NKAIN3: variants seen among roughly 807,000 people sequenced by gnomAD.
NKAIN3 encodes the protein sodium/potassium-transporting ATPase subunit beta-1-interacting protein 3.
Under a neutral mutation model 30.2 loss-of-function variants are expected in NKAIN3, and 25 were observed. That is an observed-to-expected ratio of 0.83 (90% CI 0.60 to 1.16). The LOEUF is 1.16. NKAIN3 is among the 50% of genes most tolerant of loss of function. The pLI, the probability that NKAIN3 is intolerant of heterozygous loss-of-function variation, is 0.00. For missense variants in NKAIN3, 225 were observed against 254.1 expected, an observed-to-expected ratio of 0.89 and a Z score of 0.78; for synonymous variants, 91 against 89.6, an observed-to-expected ratio of 1.02 and a Z score of -0.09.
chr8:62,281,928 T>A (rs921578260), intron 1 of NKAIN3, among the ~76,000 whole-genome samples: 2 of 152,028 alleles, frequency 1.3e-5, no homozygotes, highest in African/African-American at 4.8e-5. Context: ...TAAAAAAGCA[T>A]GCTTGTTCCT....
At chr8:62,839,846 C>T (rs912998620) in intron 4 of NKAIN3, among the ~76,000 whole-genome samples, 1 of 152,070 alleles carries the variant, frequency 6.6e-6, no homozygotes, top group African/African-American at 2.4e-5. Flanking sequence ...ACTCAGGCCT[C>T]AAGCAATATT....
intron 1 of NKAIN3, among the ~76,000 whole-genome samples, chr8:62,487,063 T>C (rs1806925183): frequency 6.6e-6 from 1 of 152,210 alleles, no homozygotes; most frequent in South Asian, 2.1e-4. Flanking sequence ...AAATGCCAGA[T>C]TCGTGGACCA....
intron 3 of NKAIN3, among the ~76,000 whole-genome samples, chr8:62,710,897 T>C (rs953120472): frequency 6.6e-6 from 1 of 152,204 alleles, no homozygotes; most frequent in Non-Finnish European, 1.5e-5. Flanking sequence ...GTTTCAAGAT[T>C]TGTTCCTTTC....
chr8:62,513,857 C>CAAAAAAAA (rs10608416), intron 1 of NKAIN3, among the ~76,000 whole-genome samples: 4 of 52,628 alleles, frequency 7.6e-5, no homozygotes, highest in East Asian at 7.0e-4. Context: ...AAACCTGTCT[C>CAAAAAAAA]AAAAAAAAAA....
intron 4 of NKAIN3, among the ~76,000 whole-genome samples, chr8:62,866,280 A>T (rs1243025255): frequency 6.6e-6 from 1 of 152,204 alleles, no homozygotes; most frequent in Non-Finnish European, 1.5e-5. Flanking sequence ...GCTTGTCTAG[A>T]ACACAAGGTA....
chr8:62,595,382 CTT>C (rs1181598520), intron 3 of NKAIN3, among the ~76,000 whole-genome samples: 3 of 109,950 alleles, frequency 2.7e-5, no homozygotes, highest in Non-Finnish European at 3.5e-5. Context: ...GGGCTATTTT[CTT>C]TTTTTTTTTT....
At chr8:62,383,636 C>A (rs1025206306) in intron 1 of NKAIN3, 1 of 417,114 alleles carries the variant, frequency 2.4e-6, no homozygotes, top group South Asian at 1.7e-5. Flanking sequence ...CTAAAATTAT[C>A]AAACCATTCT....
chr8:62,991,841 G>A (rs1046933798), intron 5 of NKAIN3, among the ~76,000 whole-genome samples: 1 of 152,144 alleles, frequency 6.6e-6, no homozygotes, highest in Admixed American at 6.5e-5. Flanking sequence ...AAGGGACAAA[G>A]TGTCCTGGTG....
chr8:62,366,912 G>A (rs2129592909), intron 1 of NKAIN3, among the ~76,000 whole-genome samples: 1 of 152,044 alleles, frequency 6.6e-6, no homozygotes, highest in South Asian at 2.1e-4. Flanking sequence ...TTTGACTCAA[G>A]ATATTTTTTG....
intron 1 of NKAIN3, among the ~76,000 whole-genome samples, chr8:62,339,949 C>T (rs1451421570): frequency 1.3e-5 from 2 of 151,950 alleles, no homozygotes; most frequent in South Asian, 2.1e-4. Context: ...ACTGCAAATA[C>T]ATGCAAGGAC....
intron 3 of NKAIN3, among the ~76,000 whole-genome samples, chr8:62,739,694 T>G (rs2130565751): frequency 6.6e-6 from 1 of 152,276 alleles, no homozygotes; most frequent in East Asian, 1.9e-4. Flanking sequence ...TCTAAGGAAG[T>G]AAGCCCCAAA....
intron 4 of NKAIN3, among the ~76,000 whole-genome samples, chr8:62,788,397 T>A (rs1420230563): frequency 6.6e-6 from 1 of 152,280 alleles, no homozygotes; most frequent in East Asian, 1.9e-4. Context: ...TTTTTTCTTG[T>A]AAATTTGTTG....
At chr8:62,436,042 C>T (rs1168575670) in intron 1 of NKAIN3, among the ~76,000 whole-genome samples, 1 of 152,096 alleles carries the variant, frequency 6.6e-6, no homozygotes, top group East Asian at 1.9e-4. Context: ...TTTTTGTTTG[C>T]CTTTGATATT....
chr8:62,300,741 A>G (rs1044158000), intron 1 of NKAIN3, among the ~76,000 whole-genome samples: 9 of 152,280 alleles, frequency 5.9e-5, no homozygotes, highest in African/African-American at 1.9e-4. Flanking sequence ...TGGAGAAGTC[A>G]CAGTCAGCTG....
chr8:62,729,031 A>AAAC (rs1815369084), intron 3 of NKAIN3, among the ~76,000 whole-genome samples: 2 of 110,564 alleles, frequency 1.8e-5, no homozygotes, highest in African/African-American at 8.1e-5. Flanking sequence ...AACCAAAAAA[A>AAAC]AAAAAAAACA....
intron 1 of NKAIN3, among the ~76,000 whole-genome samples, chr8:62,284,140 G>A (rs1466991327): frequency 1.3e-5 from 2 of 152,128 alleles, no homozygotes; most frequent in African/African-American, 4.8e-5. Context: ...AGGGGTATCA[G>A]AGAAAAGTTT....
intron 1 of NKAIN3, among the ~76,000 whole-genome samples, chr8:62,328,940 A>T (rs1219638807): frequency 6.6e-6 from 1 of 152,046 alleles, no homozygotes; most frequent in African/African-American, 2.4e-5. Flanking sequence ...AATTGATGGT[A>T]TGTTACTTCC....
At chr8:62,761,443 CAT>C (rs763960913) in intron 4 of NKAIN3, among the ~76,000 whole-genome samples, 17 of 152,154 alleles carry the variant, frequency 1.1e-4, no homozygotes, top group African/African-American at 1.4e-4. Context: ...CAAAAGCCCA[CAT>C]GTCAGAGACA....
At chr8:62,307,610 T>C (rs1165878086) in intron 1 of NKAIN3, among the ~76,000 whole-genome samples, 1 of 150,688 alleles carries the variant, frequency 6.6e-6, no homozygotes, top group Non-Finnish European at 1.5e-5. Flanking sequence ...ACATGTATGT[T>C]TTGTGCCTCT....
Sources: gnomAD v4.1 joint callset for allele counts (sites outside exome capture counted in the v4.1 genomes callset) on GRCh38, gnomAD v4.1.1 for gene constraint, MANE v1.5 for transcripts, NCBI Gene and HGNC (gene_info 2026-07-23, HGNC 2026-07-21) for gene names.